ARHGAP8: variants seen among roughly 807,000 people sequenced by gnomAD.
ARHGAP8 encodes the protein rho GTPase-activating protein 8.
ARHGAP8 carries 62 observed loss-of-function variants against 46.1 expected under a neutral mutation model. That is an observed-to-expected ratio of 1.34 (90% CI 1.10 to 1.66). ARHGAP8 has a LOEUF of 1.66. Among genes scored for constraint, ARHGAP8 ranks in the 40% most tolerant of loss-of-function variants. The pLI, the probability that ARHGAP8 is intolerant of heterozygous loss-of-function variation, is 0.00. For synonymous variants in ARHGAP8, 375 were observed against 243.1 expected (o/e 1.54, Z -5.05); for missense variants, 923 against 568.4 (o/e 1.62, Z -6.34).
At position 44,862,567 on chromosome 22, in the gene ARHGAP8, C is replaced by A. The variant is rs757951817; in HGVS notation, c.1274C>A (p.Pro425His). The A allele has an allele frequency of 1.3e-6, 2 of 1,592,330 alleles. No individual in the cohort carries two copies. Among genetic ancestry groups the A allele is most frequent in the Non-Finnish European group, 8.6e-7 (1 of 1,164,226 alleles). Residue 425 changes from proline (P) to histidine (H), a missense_variant, in exon 12 of 12, where the codon CCC (proline) becomes CAC (histidine). Pro to His is a moderately conservative substitution (Grantham distance 77). Coordinates refer to ENST00000356099, the MANE Select transcript of ARHGAP8 (RefSeq NM_181335.3). The stretch of plus-strand genomic sequence containing the variant: ...ACCAAGCCTACCCTACCTCCGAGTC[C>A]CCTGATGGCAGCCAGAAGACGTCTC... The part of the protein sequence containing the change: ...GLTKPTLPPS[P>H]LMAARRRL
chr22:44,860,647 G>A (rs1237036608), intron 11 of ARHGAP8, among the ~76,000 whole-genome samples: 1 of 151,626 alleles, frequency 6.6e-6, no homozygotes, highest in Non-Finnish European at 1.5e-5. Context: ...CTACACACCA[G>A]GCTAAGCAAA....
chr22:44,808,817 AAAAAACC>A (rs1422148754), intron 4 of ARHGAP8: 4 of 373,696 alleles, frequency 1.1e-5, no homozygotes, highest in Admixed American at 3.6e-5. Context: ...TACAAAAAAA[AAAAAACC>A]AAAAACAAAA....
chr22:44,786,559 G>A lies in ARHGAP8; in HGVS notation c.32G>A (p.Ser11Asn), dbSNP rs201529692. The change falls in exon 2 of 12, where the codon AGT (serine) becomes AAT (asparagine). Residue 11 changes from serine to asparagine, a missense_variant. Ser to Asn is a conservative substitution (Grantham distance 46, BLOSUM62 1). Coordinates refer to ENST00000356099, the MANE Select transcript of ARHGAP8 (RefSeq NM_181335.3). MAGQDPALST[S>N]HPFYDVARHG... ...GGCCAGGATCCTGCGCTGAGCACGAGTCACCCGTTCTACGACGTGGCCAGA... is the reference window on the plus strand; with the variant it reads ...GGCCAGGATCCTGCGCTGAGCACGAATCACCCGTTCTACGACGTGGCCAGA... The A allele has an allele frequency of 2.5e-6, 4 of 1,613,596 alleles. No individual in the cohort carries two copies. Among genetic ancestry groups the A allele is most frequent in the East Asian group, 2.2e-5 (1 of 44,870 alleles).
At chr22:44,837,113 G>T (rs931738614) in intron 7 of ARHGAP8, among the ~76,000 whole-genome samples, 2 of 152,152 alleles carry the variant, frequency 1.3e-5, no homozygotes, top group Non-Finnish European at 2.9e-5. Flanking sequence ...TCGAATTCCC[G>T]ACCTCAGGTG....
In ARHGAP8 at chr22:44,825,503, G is replaced by C; in HGVS notation, c.506G>C (p.Ser169Thr). The C allele has an allele frequency of 6.2e-7, 1 of 1,613,478 alleles. No individual in the cohort carries two copies. Among genetic ancestry groups the C allele is most frequent in the South Asian group, 1.1e-5 (1 of 91,034 alleles). ...TACAGGTACGATGAGAAGCTCCAGA[G>C]CCTGCACGAGGGCCGGACGCCGCCT... Reference protein sequence around the residue: ...EVLRYDEKLQSLHEGRTPPPT... With the variant: ...EVLRYDEKLQTLHEGRTPPPT... Residue 169 changes from serine to threonine, a missense_variant, in exon 7 of 12, where the codon AGC becomes ACC. Coordinates refer to ENST00000356099, the MANE Select transcript of ARHGAP8 (RefSeq NM_181335.3).
intron 5 of ARHGAP8, among the ~76,000 whole-genome samples, chr22:44,816,803 CAA>C (rs1183457228): frequency 3.0e-5 from 2 of 66,228 alleles, no homozygotes; most frequent in Non-Finnish European, 6.0e-5. Flanking sequence ...GACCCTGTCT[CAA>C]AAAAAAAAAA....
intron 1 of ARHGAP8, among the ~76,000 whole-genome samples, chr22:44,777,794 C>G (rs1167298891): frequency 6.6e-6 from 1 of 152,142 alleles, no homozygotes; most frequent in Non-Finnish European, 1.5e-5. Flanking sequence ...CTCCCGGGCT[C>G]AAGCGGTTCT....
intron 7 of ARHGAP8, among the ~76,000 whole-genome samples, chr22:44,826,812 C>T (rs1365534159): frequency 6.6e-6 from 1 of 152,154 alleles, no homozygotes; most frequent in African/African-American, 2.4e-5. Context: ...GGAGGTGCAT[C>T]GGTCACCTGC....
chr22:44,824,101 A>G (rs1930340631), intron 6 of ARHGAP8, among the ~76,000 whole-genome samples: 1 of 152,094 alleles, frequency 6.6e-6, no homozygotes. Flanking sequence ...GGGTGCTGCG[A>G]GCACCAGAGG....
At chr22:44,756,867 C>CT (rs200888165) in intron 1 of ARHGAP8, among the ~76,000 whole-genome samples, 1 of 151,892 alleles carries the variant, frequency 6.6e-6, no homozygotes, top group Admixed American at 6.6e-5. Flanking sequence ...CCATCCCTCA[C>CT]TTTTTTTTCC....
chr22:44,817,951 C>T (rs1351124011), intron 5 of ARHGAP8, among the ~76,000 whole-genome samples: 1 of 152,008 alleles, frequency 6.6e-6, no homozygotes, highest in Non-Finnish European at 1.5e-5. Context: ...CTCGCCTCTA[C>T]AAAACAGATA....
chr22:44,825,777 G>T (rs892014103), intron 7 of ARHGAP8, among the ~76,000 whole-genome samples, 184 bp downstream of exon 7: 12 of 150,890 alleles, frequency 8.0e-5, no homozygotes, highest in African/African-American at 2.7e-4. Context: ...CTGGTTGGGG[G>T]GGCGCGTGCT....
chr22:44,788,035 A>T (rs1429566957), intron 2 of ARHGAP8, among the ~76,000 whole-genome samples: 1 of 150,018 alleles, frequency 6.7e-6, no homozygotes, highest in Non-Finnish European at 1.5e-5. Flanking sequence ...CCAGGTGCCA[A>T]CAGAAGGAAG....
intron 10 of ARHGAP8, chr22:44,859,514 TTCTTA>T: frequency 1.7e-6 from 1 of 586,548 alleles, no homozygotes; most frequent in Non-Finnish European, 3.0e-6. Flanking sequence ...TAAACCTCTT[TTCTTA>T]TAAATAACCC....
At chr22:44,861,861 T>C in intron 11 of ARHGAP8, among the ~76,000 whole-genome samples, 1 of 152,196 alleles carries the variant, frequency 6.6e-6, no homozygotes, top group Admixed American at 6.5e-5. Flanking sequence ...TCCCTGCCCC[T>C]CGTAGTGGCC....
intron 5 of ARHGAP8, among the ~76,000 whole-genome samples, chr22:44,815,331 G>C (rs957303176): frequency 1.3e-5 from 2 of 152,106 alleles, no homozygotes; most frequent in Non-Finnish European, 2.9e-5. Flanking sequence ...ATGTAGGCAC[G>C]GAGCATCCAC....
chr22:44,815,532 CCCATGG>C (rs1602216771), intron 5 of ARHGAP8, among the ~76,000 whole-genome samples: 2 of 152,250 alleles, frequency 1.3e-5, no homozygotes, highest in East Asian at 3.9e-4. Context: ...GAGCAGGTCA[CCCATGG>C]CCAGCCTTCT....
At chr22:44,829,722 A>G (rs1344025407) in intron 7 of ARHGAP8, among the ~76,000 whole-genome samples, 2 of 134,568 alleles carry the variant, frequency 1.5e-5, no homozygotes, top group Non-Finnish European at 3.3e-5. Flanking sequence ...TGTTTGGACT[A>G]TGAATGAATG....
intron 2 of ARHGAP8, among the ~76,000 whole-genome samples, chr22:44,800,097 TGTC>T (rs895806462): frequency 2.6e-5 from 3 of 115,894 alleles, no homozygotes; most frequent in African/African-American, 1.3e-4. Context: ...GAGTCTGTTC[TGTC>T]TTTTTTTTTT....
Sources: allele counts gnomAD v4.1 joint callset (sites outside exome capture counted in the v4.1 genomes callset), GRCh38; gene constraint gnomAD v4.1.1; transcripts MANE v1.5; gene names NCBI Gene and HGNC (gene_info 2026-07-23, HGNC 2026-07-21).